Variants in CRBN observed in about 807,000 individuals in gnomAD.
The protein encoded by CRBN is protein cereblon.
A neutral mutation model predicts 62.2 loss-of-function variants in CRBN; 53 were observed. The ratio of observed to expected loss-of-function variants is 0.85; its 90% confidence interval spans 0.68 to 1.07. The LOEUF is 1.07. Among genes scored for constraint, CRBN ranks in the 50% least tolerant of loss-of-function variants. The pLI is 0.00. For synonymous variants in CRBN, 208 were observed against 176.1 expected, an observed-to-expected ratio of 1.18 and a Z score of -1.43; for missense variants, 616 against 531.1, an observed-to-expected ratio of 1.16 and a Z score of -1.57.
At position 3,150,954 on chromosome 3, in the gene CRBN, AT is replaced by A; in HGVS notation, c.1239del (p.Lys413AsnfsTer5). On this transcript the variant is annotated frameshift_variant, in exon 11 of 11. Coordinates refer to ENST00000231948, the MANE Select transcript of CRBN (RefSeq NM_016302.4). LOFTEE classifies it high-confidence loss of function. Reference protein sequence around the residue: ...TATKKDMSPQKFWGLTRSALL... With the variant: ...TATKKDMSPQXFWGLTRSALL... ...AGAGCAGATCGCGTTAAGCCCCAAAATTTTTGAGGTGACATGTCTTTTTTGG... is the reference window on the plus strand; with the variant it reads ...AGAGCAGATCGCGTTAAGCCCCAAAATTTTGAGGTGACATGTCTTTTTTGG... 1 of 1,614,024 alleles carries A rather than the reference AT, an allele frequency of 6.2e-7. No individual in the cohort carries two copies.
chr3:3,174,887 A>G (rs1303344866), intron 2 of CRBN, among the ~76,000 whole-genome samples: 4 of 152,212 alleles, frequency 2.6e-5, no homozygotes, highest in Non-Finnish European at 5.9e-5. Context: ...AGTATGTTCA[A>G]TAACACTCTA....
At chr3:3,172,558 A>G in intron 4 of CRBN, 1 of 576,614 alleles carries the variant, frequency 1.7e-6, no homozygotes, top group Non-Finnish European at 3.1e-6. Context: ...TGGAGATGGG[A>G]GATGAGGTTG....
In CRBN at chr3:3,179,487, T is replaced by C. The variant is rs977141030; in HGVS notation, c.67+134A>G. On this transcript the variant is annotated intron_variant, in intron 1 of 10. Coordinates refer to ENST00000231948, the MANE Select transcript of CRBN (RefSeq NM_016302.4). ...TGGCCGAGGGCCGACGTGAAGCAGC[T>C]TTCCGGTGCGGCCCTGCTGGGCTGG... 8.8e-6 allele frequency: 7 copies of C among 794,680 alleles called. No individual in the cohort carries two copies. The African/African-American group carries it at 1.0e-4, about 12-fold the overall frequency. 49.2% of individuals were successfully genotyped at this position (794,680 alleles called of 1,614,324 possible).
At chr3:3,162,160 G>GTTTCCCATT (rs1707167857) in intron 5 of CRBN, among the ~76,000 whole-genome samples, 1 of 152,136 alleles carries the variant, frequency 6.6e-6, no homozygotes, top group Admixed American at 6.5e-5. Context: ...CTTAGTATCT[G>GTTTCCCATT]TTTCCCATTT....
At chr3:3,179,509 C>T (rs1485476475) in intron 1 of CRBN, 112 bp downstream of exon 1, 2 of 1,044,940 alleles carry the variant, frequency 1.9e-6, no homozygotes, top group East Asian at 2.5e-5. Flanking sequence ...CCCTGCTGGG[C>T]TGGCTCGCCA....
At chr3:3,178,867 G>A (rs1465386698) in intron 1 of CRBN, among the ~76,000 whole-genome samples, 1 of 150,772 alleles carries the variant, frequency 6.6e-6, no homozygotes, top group African/African-American at 2.4e-5. Flanking sequence ...TCCATGAAAA[G>A]TTTATGCAAT....
intron 4 of CRBN, 95 bp from the exon 5 acceptor site, chr3:3,167,888 T>TG: frequency 8.4e-7 from 1 of 1,189,190 alleles, no homozygotes; most frequent in Non-Finnish European, 1.2e-6. Context: ...AATACCAAGA[T>TG]TTTCCAAGTT....
intron 4 of CRBN, among the ~76,000 whole-genome samples, chr3:3,171,287 AAAT>A (rs925577953): frequency 6.6e-6 from 1 of 152,218 alleles, no homozygotes; most frequent in Admixed American, 6.5e-5. Flanking sequence ...AAGTATTCAC[AAAT>A]AATCAAAATT....
intron 1 of CRBN, 66 bp downstream of exon 1, chr3:3,179,555 C>T: frequency 6.6e-7 from 1 of 1,521,342 alleles, no homozygotes; most frequent in Non-Finnish European, 9.1e-7. Context: ...CCAGGCCCAG[C>T]TGCACCGCTA....
chr3:3,174,326 G>C lies in CRBN; in HGVS notation c.175-65C>G, dbSNP rs2126068705. On this transcript the variant is annotated intron_variant, in intron 2 of 10. Coordinates refer to ENST00000231948, the MANE Select transcript of CRBN (RefSeq NM_016302.4). ...ATGTAATAAAAATGTAAGCTCAACA[G>C]ACTAAAGAGCAAATCACATTAAAAG... The C allele has an allele frequency of 6.4e-6, 8 of 1,248,730 alleles. No homozygotes were observed. The East Asian group carries it at 1.7e-4, about 26-fold the overall frequency. 77.4% of individuals were successfully genotyped at this position (1,248,730 alleles called of 1,614,324 possible).
At chr3:3,160,179 G>A (rs976890141) in intron 5 of CRBN, among the ~76,000 whole-genome samples, 2 of 152,094 alleles carry the variant, frequency 1.3e-5, no homozygotes, top group African/African-American at 4.8e-5. Flanking sequence ...TCCCAACAAC[G>A]TAGAATGTTC....
Position 3,153,632 on chromosome 3 carries a change from T to G in CRBN, c.952-144A>C. The G allele has an allele frequency of 4.5e-6, 3 of 673,582 alleles. No individual in the cohort carries two copies. In the South Asian group the frequency reaches 5.1e-5, roughly 11 times the overall value. 41.7% of individuals were successfully genotyped at this position (673,582 alleles called of 1,614,324 possible). A position where few individuals can be genotyped will look rare whatever the true frequency, so the allele number is the denominator to read the frequency against. On this transcript the variant is annotated intron_variant, in intron 8 of 10. Coordinates refer to ENST00000231948, the MANE Select transcript of CRBN (RefSeq NM_016302.4). ...TTTCCTTCCAAGCATTCAAAAACACTTTTAAAGATGGAGCACGAAAGTCAC... is the reference window on the plus strand; with the variant it reads ...TTTCCTTCCAAGCATTCAAAAACACGTTTAAAGATGGAGCACGAAAGTCAC...
intron 5 of CRBN, 194 bp from the exon 6 acceptor site, chr3:3,156,475 A>G: frequency 5.1e-6 from 3 of 592,668 alleles, no homozygotes; most frequent in Non-Finnish European, 9.0e-6. Flanking sequence ...CTTCAAATAT[A>G]TATTGTAACT....
chr3:3,179,063 C>A (rs887858927), intron 1 of CRBN, among the ~76,000 whole-genome samples: 2 of 152,254 alleles, frequency 1.3e-5, no homozygotes, highest in Non-Finnish European at 2.9e-5. Context: ...GACAGACACA[C>A]CCGGGTTGGA....
chr3:3,169,364 T>C (rs1178045304), intron 4 of CRBN, among the ~76,000 whole-genome samples: 2 of 152,208 alleles, frequency 1.3e-5, no homozygotes, highest in Non-Finnish European at 2.9e-5. Flanking sequence ...GCAACATAAT[T>C]TATATAAATG....
chr3:3,176,017 G>A (rs1006614747), intron 1 of CRBN, among the ~76,000 whole-genome samples: 1 of 152,036 alleles, frequency 6.6e-6, no homozygotes, highest in Admixed American at 6.5e-5. Flanking sequence ...AGGTTTTTCC[G>A]CTGTAAAGTT....
chr3:3,151,610 C>G (rs1477604530), intron 10 of CRBN, among the ~76,000 whole-genome samples: 3 of 151,928 alleles, frequency 2.0e-5, no homozygotes, highest in Non-Finnish European at 4.4e-5. Context: ...TATTTTTTTC[C>G]CTAGGTATAC....
intron 1 of CRBN, 138 bp downstream of exon 1, chr3:3,179,483 C>A: frequency 1.3e-6 from 1 of 756,046 alleles, no homozygotes; most frequent in Admixed American, 2.4e-5. Flanking sequence ...CGACGTGAAG[C>A]AGCTTTCCGG....
chr3:3,177,497 G>C (rs1707873387), intron 1 of CRBN, among the ~76,000 whole-genome samples: 2 of 152,096 alleles, frequency 1.3e-5, no homozygotes. Flanking sequence ...AAGTTTCACT[G>C]AGATAAAAAA....
Sources: gnomAD v4.1 joint callset for allele counts (sites outside exome capture counted in the v4.1 genomes callset) on GRCh38, gnomAD v4.1.1 for gene constraint, MANE v1.5 for transcripts, NCBI Gene and HGNC (gene_info 2026-07-23, HGNC 2026-07-21) for gene names.